Variants in RAP1A observed in about 807,000 individuals in gnomAD.
RAP1A encodes the protein ras-related protein Rap-1A.
RAP1A carries 6 observed loss-of-function variants against 26.4 expected under a neutral mutation model. The ratio of observed to expected loss-of-function variants is 0.23; its 90% CI spans 0.12 to 0.45. The LOEUF is 0.45. Ranked by LOEUF, RAP1A falls within the 20% of genes least tolerant of loss-of-function variation. RAP1A has a pLI of 0.99. For synonymous variants in RAP1A, 73 were observed against 79.4 expected (o/e 0.92, Z 0.43); for missense variants, 121 against 217.2 (o/e 0.56, Z 2.78).
intron 1 of RAP1A, among the ~76,000 whole-genome samples, chr1:111,638,220 A>C (rs1659780002): frequency 6.6e-6 from 1 of 152,124 alleles, no homozygotes; most frequent in Non-Finnish European, 1.5e-5. Flanking sequence ...CACTATGTAT[A>C]ATTCTACCTC....
chr1:111,584,213 A>G (rs2101062559), intron 1 of RAP1A, among the ~76,000 whole-genome samples: 1 of 152,288 alleles, frequency 6.6e-6, no homozygotes, highest in African/African-American at 2.4e-5. Flanking sequence ...AATGTCATGC[A>G]TAGAGAAATG....
chr1:111,631,062 CT>C (rs1342328704), intron 1 of RAP1A, among the ~76,000 whole-genome samples: 5 of 152,126 alleles, frequency 3.3e-5, no homozygotes, highest in Non-Finnish European at 5.9e-5. Flanking sequence ...TGCATTTACC[CT>C]AAATAGACTT....
At chr1:111,644,523 A>T (rs1351663954) in intron 1 of RAP1A, among the ~76,000 whole-genome samples, 1 of 152,150 alleles carries the variant, frequency 6.6e-6, no homozygotes, top group African/African-American at 2.4e-5. Context: ...AGGTGGGTAC[A>T]CCTTGATTGA....
At chr1:111,586,306 G>A (rs1658364023) in intron 1 of RAP1A, among the ~76,000 whole-genome samples, 1 of 152,152 alleles carries the variant, frequency 6.6e-6, no homozygotes, top group Non-Finnish European at 1.5e-5. Context: ...TTTTGAACCT[G>A]GGCAGACCAG....
chr1:111,640,728 G>A (rs1659864872), intron 1 of RAP1A, among the ~76,000 whole-genome samples: 1 of 152,196 alleles, frequency 6.6e-6, no homozygotes, highest in Non-Finnish European at 1.5e-5. Flanking sequence ...GGAAGGCCAA[G>A]GTAGGAGGAT....
chr1:111,618,818 TC>T (rs776700805), upstream of RAP1A, among the ~76,000 whole-genome samples: 1 of 126,866 alleles, frequency 7.9e-6, no homozygotes, highest in Non-Finnish European at 1.8e-5. Context: ...TCAAAATGTA[TC>T]TAAATAAAAT....
chr1:111,698,035 TTAA>T (rs944530398), intron 4 of RAP1A, among the ~76,000 whole-genome samples: 10 of 151,808 alleles, frequency 6.6e-5, no homozygotes, highest in Non-Finnish European at 1.3e-4. Flanking sequence ...AGCAAATGAG[TTAA>T]TAATTATAAA....
At chr1:111,657,379 T>C (rs1371312336) in intron 1 of RAP1A, among the ~76,000 whole-genome samples, 2 of 152,178 alleles carry the variant, frequency 1.3e-5, no homozygotes, top group African/African-American at 4.8e-5. Context: ...TCCCAATAGA[T>C]CTCATTATGT....
chr1:111,571,376 A>T (rs569778376), intron 1 of RAP1A, among the ~76,000 whole-genome samples: 1 of 152,208 alleles, frequency 6.6e-6, no homozygotes, highest in South Asian at 2.1e-4. Flanking sequence ...CCTGCCTCCC[A>T]CCCTTTCTGA....
intron 1 of RAP1A, among the ~76,000 whole-genome samples, chr1:111,669,731 A>G (rs1020274997): frequency 6.6e-6 from 1 of 152,252 alleles, no homozygotes; most frequent in African/African-American, 2.4e-5. Context: ...AAGAAAAATC[A>G]AGTAGATACA....
intron 1 of RAP1A, among the ~76,000 whole-genome samples, chr1:111,588,761 C>A (rs948248601): frequency 6.6e-6 from 1 of 152,182 alleles, no homozygotes; most frequent in African/African-American, 2.4e-5. Flanking sequence ...CTGGTGCATA[C>A]CCCTATCACC....
rs1014561691 is a variant in RAP1A, at chr1:111,549,826, A to AT, written c.-28+7324dup. ...ACCATGCTCAGCTAATCTTTTTTAA[A>AT]TTTTTTTGTAGAGACAGGGTGTTGC... On this transcript the variant is annotated intron_variant, in intron 1 of 7. Coordinates refer to the RAP1A transcript ENST00000356415. Among the ~76,000 whole-genome samples the AT allele has an allele frequency of 8.6e-5, 13 of 151,952 alleles. No individual in the cohort carries two copies. The South Asian group carries it at 1.2e-3, about 15-fold the overall frequency.
chr1:111,706,372 C>A (rs1391200059), intron 6 of RAP1A, among the ~76,000 whole-genome samples: 1 of 152,070 alleles, frequency 6.6e-6, no homozygotes, highest in Non-Finnish European at 1.5e-5. Context: ...TAGAGAGATA[C>A]TTTCAAAAAT....
At chr1:111,594,142 G>A (rs1444044388) in intron 1 of RAP1A, among the ~76,000 whole-genome samples, 3 of 152,026 alleles carry the variant, frequency 2.0e-5, no homozygotes, top group Non-Finnish European at 2.9e-5. Context: ...CCCCTATCCC[G>A]CATAAGTATA....
intron 1 of RAP1A, chr1:111,686,541 A>C (rs1661484533): frequency 6.6e-6 from 1 of 151,968 alleles, no homozygotes; most frequent in Non-Finnish European, 1.5e-5. Context: ...GAAAAAGAAA[A>C]TTACCCAGTT....
At chr1:111,663,501 G>C (rs1006539245) in intron 1 of RAP1A, among the ~76,000 whole-genome samples, 2 of 152,144 alleles carry the variant, frequency 1.3e-5, no homozygotes, top group African/African-American at 4.8e-5. Context: ...TTTTTAAGTG[G>C]ATAATTGCCA....
chr1:111,586,226 C>T (rs1658362541), intron 1 of RAP1A, among the ~76,000 whole-genome samples: 1 of 152,124 alleles, frequency 6.6e-6, no homozygotes, highest in Non-Finnish European at 1.5e-5. Flanking sequence ...AACAAGTAAG[C>T]TCAACATGTT....
chr1:111,629,064 C>A (rs1364317235), intron 1 of RAP1A, among the ~76,000 whole-genome samples: 1 of 152,018 alleles, frequency 6.6e-6, no homozygotes, highest in African/African-American at 2.4e-5. Context: ...AGGTGAAATT[C>A]TTCTGCATGT....
intron 1 of RAP1A, among the ~76,000 whole-genome samples, chr1:111,633,553 G>A (rs980658640): frequency 3.9e-5 from 6 of 152,032 alleles, no homozygotes; most frequent in Admixed American, 1.3e-4. Context: ...TTTCTTTTTC[G>A]TTCAACTGGT....
Sources: gnomAD v4.1 joint callset for allele counts (sites outside exome capture counted in the v4.1 genomes callset) on GRCh38, gnomAD v4.1.1 for gene constraint, MANE v1.5 for transcripts, NCBI Gene and HGNC (gene_info 2026-07-23, HGNC 2026-07-21) for gene names.